Variants in ST6GALNAC3 observed in about 807,000 individuals in gnomAD.
ST6GALNAC3 encodes alpha-N-acetylgalactosaminide alpha-2,6-sialyltransferase 3.
ST6GALNAC3 carries 25 observed loss-of-function variants against 32.7 expected under a neutral mutation model. The observed-to-expected ratio is 0.76, with a 90% CI of 0.56 to 1.07. The LOEUF is 1.07. Ranked by LOEUF, ST6GALNAC3 falls within the 50% of genes least tolerant of loss-of-function variation. The pLI is 0.00. For synonymous variants in ST6GALNAC3, 129 were observed against 133.1 expected, an observed-to-expected ratio of 0.97 and a Z score of 0.21; for missense variants, 355 against 382.4, an observed-to-expected ratio of 0.93 and a Z score of 0.60.
At chr1:76,108,031 G>A (rs1647659260) in intron 1 of ST6GALNAC3, among the ~76,000 whole-genome samples, 1 of 152,196 alleles carries the variant, frequency 6.6e-6, no homozygotes, top group African/African-American at 2.4e-5. Context: ...AGTTGAAAAT[G>A]ATGAAGAGTA....
intron 3 of ST6GALNAC3, among the ~76,000 whole-genome samples, chr1:76,574,786 A>G (rs1417186148): frequency 6.6e-6 from 1 of 152,110 alleles, no homozygotes; most frequent in East Asian, 1.9e-4. Flanking sequence ...AATAGCTTGT[A>G]TCAAAGAGCA....
At chr1:76,449,525 C>A (rs1466845588) in intron 3 of ST6GALNAC3, among the ~76,000 whole-genome samples, 1 of 152,216 alleles carries the variant, frequency 6.6e-6, no homozygotes, top group Admixed American at 6.5e-5. Flanking sequence ...TGCATCCCTA[C>A]CAGCAATGAA....
At chr1:76,549,043 G>A (rs917829506) in intron 3 of ST6GALNAC3, among the ~76,000 whole-genome samples, 1 of 151,996 alleles carries the variant, frequency 6.6e-6, no homozygotes, top group Non-Finnish European at 1.5e-5. Context: ...ACAACATCCT[G>A]GAAAAACAGG....
intron 1 of ST6GALNAC3, among the ~76,000 whole-genome samples, chr1:76,187,087 G>A (rs144110230): frequency 2.2e-3 from 329 of 152,118 alleles, no homozygotes; most frequent in African/African-American, 7.2e-3. Context: ...TTTTAGTTCC[G>A]GCATTGGTTC....
chr1:76,086,459 T>C (rs10518526), intron 1 of ST6GALNAC3, among the ~76,000 whole-genome samples: 13,725 of 152,208 alleles, frequency 0.09, 862 homozygotes, highest in Non-Finnish European at 0.13. Flanking sequence ...GAGGCTCATA[T>C]TTGTGTAAAG....
At chr1:76,113,650 A>G (rs1648252145) in intron 1 of ST6GALNAC3, among the ~76,000 whole-genome samples, 1 of 151,936 alleles carries the variant, frequency 6.6e-6, no homozygotes, top group African/African-American at 2.4e-5. Context: ...TTTTGGCCAG[A>G]GGTTATTTGA....
At chr1:76,356,030 G>T (rs1649411669) in intron 2 of ST6GALNAC3, among the ~76,000 whole-genome samples, 1 of 152,008 alleles carries the variant, frequency 6.6e-6, no homozygotes, top group Non-Finnish European at 1.5e-5. Context: ...TGTTGATCAG[G>T]TTCTAAAACA....
rs1401918007 is a variant in ST6GALNAC3 at position 76,605,695 on chromosome 1, T to C, written c.624-21757T>C. On this transcript the variant is annotated intron_variant, in intron 3 of 4. Transcript: ENST00000328299. ...GCCTGGCCAACATGGCGAAACCCCG[T>C]TACTACTAAAAATACAAAAGTTAGC... Among the ~76,000 whole-genome samples the C allele has an allele frequency of 2.6e-5, 4 of 151,098 alleles. No individual in the cohort carries two copies. In the East Asian group the frequency reaches 7.8e-4, roughly 29 times the overall value.
At chr1:76,112,862 C>G (rs1648153595) in intron 1 of ST6GALNAC3, among the ~76,000 whole-genome samples, 1 of 151,456 alleles carries the variant, frequency 6.6e-6, no homozygotes, top group African/African-American at 2.4e-5. Flanking sequence ...GACTGGGCAG[C>G]CAGGCAGAGA....
intron 2 of ST6GALNAC3, among the ~76,000 whole-genome samples, chr1:76,410,433 T>A (rs139715100): frequency 3.9e-5 from 6 of 152,078 alleles, no homozygotes; most frequent in African/African-American, 7.2e-5. Flanking sequence ...TCTCTCTCTC[T>A]CACACACTCA....
chr1:76,254,528 T>C (rs1407461482), intron 1 of ST6GALNAC3, among the ~76,000 whole-genome samples: 1 of 152,078 alleles, frequency 6.6e-6, no homozygotes, highest in East Asian at 1.9e-4. Context: ...TTATGAAAAA[T>C]CACTTCCTCT....
intron 3 of ST6GALNAC3, among the ~76,000 whole-genome samples, chr1:76,498,368 A>T: frequency 6.6e-6 from 1 of 152,144 alleles, no homozygotes; most frequent in East Asian, 1.9e-4. Context: ...TACATAGGTA[A>T]TTTTTCTAAA....
intron 3 of ST6GALNAC3, among the ~76,000 whole-genome samples, chr1:76,503,276 C>T (rs1482726710): frequency 1.3e-5 from 2 of 152,316 alleles, no homozygotes; most frequent in African/African-American, 2.4e-5. Context: ...CACTGATTCT[C>T]GCATTCCTAC....
intron 2 of ST6GALNAC3, among the ~76,000 whole-genome samples, chr1:76,403,089 C>T (rs1571112413): frequency 6.6e-6 from 1 of 151,962 alleles, no homozygotes; most frequent in East Asian, 1.9e-4. Flanking sequence ...AATGACTGTT[C>T]CATTTACCAC....
intron 3 of ST6GALNAC3, among the ~76,000 whole-genome samples, chr1:76,585,537 G>C (rs1245079121): frequency 6.6e-6 from 1 of 152,156 alleles, no homozygotes; most frequent in African/African-American, 2.4e-5. Context: ...CACCTCCAAG[G>C]CATAGTTGGA....
chr1:76,216,800 G>A (rs1261944718), intron 1 of ST6GALNAC3, among the ~76,000 whole-genome samples: 1 of 152,194 alleles, frequency 6.6e-6, no homozygotes, highest in Admixed American at 6.6e-5. Context: ...GCACAGGAAA[G>A]CTAGGTTTAA....
chr1:76,323,670 C>T (rs1647012804), intron 2 of ST6GALNAC3, among the ~76,000 whole-genome samples: 1 of 152,014 alleles, frequency 6.6e-6, no homozygotes, highest in African/African-American at 2.4e-5. Context: ...ATGTTAAAGG[C>T]TAATAAAGAA....
intron 1 of ST6GALNAC3, among the ~76,000 whole-genome samples, chr1:76,265,464 C>G (rs1303292388): frequency 6.6e-6 from 1 of 152,130 alleles, no homozygotes; most frequent in Non-Finnish European, 1.5e-5. Context: ...ATTTCCCTTC[C>G]CCTCCATGTC....
At chr1:76,348,623 G>A (rs1438269221) in intron 2 of ST6GALNAC3, among the ~76,000 whole-genome samples, 1 of 152,122 alleles carries the variant, frequency 6.6e-6, no homozygotes, top group Non-Finnish European at 1.5e-5. Context: ...TGAAAATGCT[G>A]ATGCCAATTT....
Sources: gnomAD v4.1 joint callset for allele counts (sites outside exome capture counted in the v4.1 genomes callset) on GRCh38, gnomAD v4.1.1 for gene constraint, MANE v1.5 for transcripts, NCBI Gene and HGNC (gene_info 2026-07-23, HGNC 2026-07-21) for gene names.